Variants in GRM5 observed in about 807,000 individuals in gnomAD.
GRM5 encodes glutamate metabotropic receptor 5.
Under a neutral mutation model 83.1 loss-of-function variants are expected in GRM5, and 19 were observed. That is an observed-to-expected ratio of 0.23 (90% confidence interval 0.16 to 0.34). GRM5 has a LOEUF of 0.34. Ranked by LOEUF, GRM5 falls within the 10% of genes least tolerant of loss-of-function variation. The pLI is 1.00. For synonymous variants in GRM5, 675 were observed against 633.6 expected, an observed-to-expected ratio of 1.07 and a Z score of -0.98; for missense variants, 1,160 against 1,588.3, an observed-to-expected ratio of 0.73 and a Z score of 4.58.
chr11:88,856,870 C>T (rs1944487928), intron 2 of GRM5, among the ~76,000 whole-genome samples: 1 of 151,950 alleles, frequency 6.6e-6, no homozygotes, highest in Non-Finnish European at 1.5e-5. Context: ...CATTATATGG[C>T]ATGTAACTTT....
rs143505101 is a variant in GRM5, at chr11:88,587,011, G to A, written c.1690+3590C>T. Among the ~76,000 whole-genome samples, 1,118 of 152,266 alleles carry A rather than the reference G, an allele frequency of 7.3e-3. 11 individuals are homozygous for A. The highest frequency in any genetic ancestry group is 0.026 in the African/African-American group (1,080 of 41,546). On this transcript the variant is annotated intron_variant, in intron 7 of 9. Coordinates refer to ENST00000305447, the MANE Select transcript of GRM5 (RefSeq NM_001143831.3). ...CCATCATTTTACTGGAGGTTGACAC[G>A]TATTTACCGAAAGCTTACTCTATGT... is the stretch of plus-strand genomic sequence containing the variant.
chr11:88,617,224 T>A (rs1200748609), intron 4 of GRM5, among the ~76,000 whole-genome samples: 3 of 152,136 alleles, frequency 2.0e-5, no homozygotes, highest in Non-Finnish European at 4.4e-5. Context: ...TAAAACTACA[T>A]GGGAAAAATT....
At chr11:88,720,329 C>A (rs1365397441) in intron 3 of GRM5, among the ~76,000 whole-genome samples, 1 of 151,142 alleles carries the variant, frequency 6.6e-6, no homozygotes, top group Non-Finnish European at 1.5e-5. Context: ...ATACCTATGA[C>A]TGAGTGCAGA....
Position 88,768,628 on chromosome 11 carries a change from G to GA in GRM5, c.911+81277dup, listed in dbSNP as rs34472260. On this transcript the variant is annotated intron_variant, in intron 3 of 9. Coordinates refer to ENST00000305447, the MANE Select transcript of GRM5 (RefSeq NM_001143831.3). Reference sequence around the variant, plus strand: ...TATGTATGAACCACCTATAAAAATTGAAAAAAAAAAGAGATAATTTAAAAA... The same window carrying GA: ...TATGTATGAACCACCTATAAAAATTGAAAAAAAAAAAGAGATAATTTAAAAA... Among the ~76,000 whole-genome samples the GA allele has an allele frequency of 6.0e-3, 904 of 149,994 alleles. 4 individuals carry two copies. The highest frequency in any genetic ancestry group is 7.1e-3 in the African/African-American group (289 of 40,960).
intron 2 of GRM5, among the ~76,000 whole-genome samples, chr11:89,031,964 G>C (rs373920874): frequency 1.3e-5 from 2 of 151,982 alleles, no homozygotes; most frequent in African/African-American, 4.8e-5. Context: ...AAGAAAAATA[G>C]TATTAACAGA....
chr11:88,654,011 C>G (rs1939704460), intron 3 of GRM5, among the ~76,000 whole-genome samples: 1 of 152,048 alleles, frequency 6.6e-6, no homozygotes, highest in East Asian at 1.9e-4. Context: ...ACACTATTTT[C>G]TATCCCATGG....
chr11:88,761,591 T>A (rs1040888486), intron 3 of GRM5, among the ~76,000 whole-genome samples: 10 of 152,104 alleles, frequency 6.6e-5, no homozygotes, highest in African/African-American at 2.2e-4. Flanking sequence ...TGTTGATGAA[T>A]AAGAAGAATC....
chr11:88,927,218 T>C (rs1945804871), intron 2 of GRM5, among the ~76,000 whole-genome samples: 1 of 148,460 alleles, frequency 6.7e-6, no homozygotes, highest in Admixed American at 6.9e-5. Flanking sequence ...CTCCTCCTGT[T>C]GGCCTTATTT....
intron 3 of GRM5, among the ~76,000 whole-genome samples, chr11:88,671,060 A>T (rs1471498596): frequency 6.6e-6 from 1 of 151,858 alleles, no homozygotes; most frequent in Non-Finnish European, 1.5e-5. Context: ...TCTAAAGTTC[A>T]CCTTAATAAA....
At position 88,504,908 on chromosome 11, in the gene GRM5, C is replaced by T. The variant is rs188552689; in HGVS notation, c.*3684G>A. On this transcript the variant is annotated 3_prime_UTR_variant, in exon 10 of 10. Coordinates refer to ENST00000305447, the MANE Select transcript of GRM5 (RefSeq NM_001143831.3). Reference sequence around the variant, plus strand: ...AGTAAGTACAAGCACTTTTAGCCCACACAAATCTTTTAGGATTGGCACCAT... The same window carrying T: ...AGTAAGTACAAGCACTTTTAGCCCATACAAATCTTTTAGGATTGGCACCAT... 6 of 152,112 alleles carry T rather than the reference C, an allele frequency of 3.9e-5. No homozygotes were observed. The highest frequency in any genetic ancestry group is 2.0e-4 in the Admixed American group (3 of 15,272). 9.4% of individuals were successfully genotyped at this position (152,112 alleles called of 1,614,324 possible).
At chr11:89,010,679 T>C (rs554003640) in intron 2 of GRM5, among the ~76,000 whole-genome samples, 1 of 151,706 alleles carries the variant, frequency 6.6e-6, no homozygotes, top group East Asian at 1.9e-4. Flanking sequence ...AAATTATTGA[T>C]ATAAACAACT....
intron 2 of GRM5, among the ~76,000 whole-genome samples, chr11:88,984,055 TAA>T (rs1000331741): frequency 6.6e-6 from 1 of 152,130 alleles, no homozygotes; most frequent in African/African-American, 2.4e-5. Flanking sequence ...ATAAAAAACT[TAA>T]AGTTTATAAA....
At chr11:88,849,645 A>G (rs1419055280) in intron 3 of GRM5, among the ~76,000 whole-genome samples, 1 of 152,164 alleles carries the variant, frequency 6.6e-6, no homozygotes, top group Non-Finnish European at 1.5e-5. Flanking sequence ...AATCCATTTC[A>G]TTACCTTACA....
chr11:89,009,920 A>AC (rs1307510929), intron 2 of GRM5, among the ~76,000 whole-genome samples: 17 of 130,112 alleles, frequency 1.3e-4, no homozygotes, highest in African/African-American at 5.7e-4. Flanking sequence ...AAAAAAAAAA[A>AC]AAAAAAAAAA....
chr11:88,543,112 A>G (rs1942306783), intron 8 of GRM5, among the ~76,000 whole-genome samples: 1 of 152,182 alleles, frequency 6.6e-6, no homozygotes, highest in Non-Finnish European at 1.5e-5. Flanking sequence ...GAAAAAATAA[A>G]TCTCCTAGAA....
At chr11:88,703,607 G>A (rs752435792) in intron 3 of GRM5, among the ~76,000 whole-genome samples, 5 of 152,018 alleles carry the variant, frequency 3.3e-5, no homozygotes, top group East Asian at 1.9e-4. Context: ...AGAGGGACCC[G>A]GTGGGAGGTA....
At chr11:89,019,099 G>T (rs1305838084) in intron 2 of GRM5, among the ~76,000 whole-genome samples, 7 of 152,106 alleles carry the variant, frequency 4.6e-5, no homozygotes, top group Non-Finnish European at 1.0e-4. Flanking sequence ...TGATTGTCAT[G>T]TTTTTATTGT....
chr11:89,038,432 A>G (rs1221757080), intron 2 of GRM5, among the ~76,000 whole-genome samples: 2 of 152,158 alleles, frequency 1.3e-5, no homozygotes, highest in Non-Finnish European at 2.9e-5. Flanking sequence ...AGCTCTTAAA[A>G]AATTCTGTAC....
intron 4 of GRM5, among the ~76,000 whole-genome samples, chr11:88,648,539 AT>A (rs1291668811): frequency 7.9e-6 from 1 of 127,326 alleles, no homozygotes. Flanking sequence ...GCACTGGGAG[AT>A]ATACCTAATG....
Sources: allele counts gnomAD v4.1 joint callset (sites outside exome capture counted in the v4.1 genomes callset), GRCh38; gene constraint gnomAD v4.1.1; transcripts MANE v1.5; gene names NCBI Gene and HGNC (gene_info 2026-07-23, HGNC 2026-07-21).